Variants in MAGI1 observed in about 807,000 individuals in gnomAD.
The protein encoded by MAGI1 is membrane-associated guanylate kinase, WW and PDZ domain-containing protein 1.
A neutral mutation model predicts 139.9 loss-of-function variants in MAGI1; 58 were observed. The observed-to-expected ratio is 0.41, with a 90% CI of 0.34 to 0.52. The LOEUF (loss-of-function observed/expected upper bound fraction) is 0.52. Ranked by LOEUF, MAGI1 falls within the 20% of genes least tolerant of loss-of-function variation. The pLI is 0.12. For synonymous variants in MAGI1, 812 were observed against 737.9 expected, an observed-to-expected ratio of 1.10 and a Z score of -1.63; for missense variants, 1,874 against 1,901.6, an observed-to-expected ratio of 0.99 and a Z score of 0.27.
intron 2 of MAGI1, among the ~76,000 whole-genome samples, chr3:65,541,191 G>A (rs1305784666): frequency 6.6e-6 from 1 of 151,980 alleles, no homozygotes; most frequent in Non-Finnish European, 1.5e-5. Flanking sequence ...CAAATTCCTG[G>A]ACACAAACAC....
chr3:65,808,376 G>C (rs2041012855), intron 1 of MAGI1, among the ~76,000 whole-genome samples: 1 of 152,032 alleles, frequency 6.6e-6, no homozygotes, highest in Non-Finnish European at 1.5e-5. Context: ...GCACACTCCT[G>C]TAATCCCAGC....
At chr3:65,492,639 G>A in intron 3 of MAGI1, among the ~76,000 whole-genome samples, 2 of 152,130 alleles carry the variant, frequency 1.3e-5, no homozygotes, top group Non-Finnish European at 2.9e-5. Context: ...GGGAAGAAAT[G>A]GGAATATCCA....
intron 1 of MAGI1, among the ~76,000 whole-genome samples, chr3:65,839,615 G>A (rs537030657): frequency 6.6e-6 from 1 of 152,210 alleles, no homozygotes; most frequent in African/African-American, 2.4e-5. Context: ...ATGGATCAGA[G>A]ATGTAAATGT....
chr3:65,866,219 CT>C (rs11371904), intron 1 of MAGI1, among the ~76,000 whole-genome samples: 26 of 106,262 alleles, frequency 2.4e-4, no homozygotes, highest in East Asian at 4.5e-4. Flanking sequence ...CAATTTTTTT[CT>C]TTTTTTTTTA....
intron 1 of MAGI1, among the ~76,000 whole-genome samples, chr3:65,734,991 A>G (rs930785711): frequency 2.0e-5 from 3 of 152,118 alleles, no homozygotes; most frequent in Non-Finnish European, 4.4e-5. Context: ...GCTTCTCTCT[A>G]TTAAAAAAGA....
chr3:65,873,598 T>C (rs1234173184), intron 1 of MAGI1: 2 of 152,170 alleles, frequency 1.3e-5, no homozygotes, highest in South Asian at 2.1e-4. Flanking sequence ...AGGCACGTTA[T>C]TGCATTATTA....
chr3:65,420,439 C>T (rs1207319745), intron 12 of MAGI1, among the ~76,000 whole-genome samples: 1 of 152,148 alleles, frequency 6.6e-6, no homozygotes, highest in Admixed American at 6.5e-5. Context: ...ATTTGCTTCA[C>T]AGCACTTTTC....
At chr3:65,530,752 T>TATATATAC (rs1559642759) in intron 2 of MAGI1, among the ~76,000 whole-genome samples, 2 of 53,192 alleles carry the variant, frequency 3.8e-5, no homozygotes, top group African/African-American at 6.8e-5. Flanking sequence ...CACATATATA[T>TATATATAC]ACACGTATAT....
chr3:65,756,397 C>A (rs1035170951), intron 1 of MAGI1, among the ~76,000 whole-genome samples: 1 of 152,126 alleles, frequency 6.6e-6, no homozygotes, highest in African/African-American at 2.4e-5. Flanking sequence ...GTAAAAGTTG[C>A]ATGTACTAGT....
At chr3:65,827,890 A>C (rs75962218) in intron 1 of MAGI1, among the ~76,000 whole-genome samples, 10,942 of 152,212 alleles carry the variant, frequency 0.072, 627 homozygotes, top group South Asian at 0.23. Context: ...AAAATTTTTT[A>C]ATGTTATATG....
At chr3:65,640,272 T>G (rs1406105664) in intron 1 of MAGI1, among the ~76,000 whole-genome samples, 1 of 152,140 alleles carries the variant, frequency 6.6e-6, no homozygotes. Context: ...GACTAATACA[T>G]CATCTGCCTC....
intron 2 of MAGI1, among the ~76,000 whole-genome samples, chr3:65,618,405 GA>G (rs1254028606): frequency 1.3e-5 from 2 of 152,082 alleles, no homozygotes; most frequent in African/African-American, 4.8e-5. Context: ...TTTTGAATCT[GA>G]ATAATCATTA....
intron 1 of MAGI1, among the ~76,000 whole-genome samples, chr3:65,960,781 T>C (rs2107079627): frequency 6.6e-6 from 1 of 152,336 alleles, no homozygotes; most frequent in Non-Finnish European, 1.5e-5. Context: ...CATTTCTGTC[T>C]GTAATTTCCC....
chr3:65,415,830 G>A (rs1197656775), intron 12 of MAGI1, among the ~76,000 whole-genome samples: 1 of 152,174 alleles, frequency 6.6e-6, no homozygotes, highest in East Asian at 1.9e-4. Flanking sequence ...GGGGAGACGG[G>A]GGTGCTACCG....
intron 3 of MAGI1, among the ~76,000 whole-genome samples, chr3:65,491,476 A>G (rs1398129368): frequency 2.6e-5 from 4 of 152,130 alleles, no homozygotes; most frequent in African/African-American, 9.7e-5. Flanking sequence ...TGCTTTGTAC[A>G]ACCACTCCCA....
At chr3:65,959,954 C>T (rs1355840202) in intron 1 of MAGI1, among the ~76,000 whole-genome samples, 2 of 150,964 alleles carry the variant, frequency 1.3e-5, no homozygotes, top group South Asian at 2.1e-4. Context: ...TACAGGAGCC[C>T]GCCATCACGC....
At chr3:65,361,093 C>A in intron 22 of MAGI1, 106 bp downstream of exon 22, 1 of 1,604,340 alleles carries the variant, frequency 6.2e-7, no homozygotes, top group Non-Finnish European at 8.5e-7. Flanking sequence ...GCTGGTAAGA[C>A]ACTGGTGAAT....
chr3:65,734,471 AAAG>A (rs1384360727), intron 1 of MAGI1, among the ~76,000 whole-genome samples: 4 of 146,530 alleles, frequency 2.7e-5, no homozygotes, highest in African/African-American at 5.4e-5. Flanking sequence ...AAAAAAAAAA[AAAG>A]AAAGAAGAGA....
chr3:65,403,525 A>C (rs187873782), intron 12 of MAGI1, among the ~76,000 whole-genome samples: 1 of 152,212 alleles, frequency 6.6e-6, no homozygotes, highest in Non-Finnish European at 1.5e-5. Context: ...TCAAAATTAT[A>C]TAAGATGACA....
Sources: gnomAD v4.1 joint callset for allele counts (sites outside exome capture counted in the v4.1 genomes callset) on GRCh38, gnomAD v4.1.1 for gene constraint, MANE v1.5 for transcripts, NCBI Gene and HGNC (gene_info 2026-07-23, HGNC 2026-07-21) for gene names.